The following CATSPERG variants were observed in gnomAD, a reference collection of about 807,000 sequenced individuals.
The protein encoded by CATSPERG is catsper channel auxiliary subunit gamma, also known as cation channel sperm-associated auxiliary subunit gamma.
In CATSPERG, 115 loss-of-function variants were observed where a neutral mutation model predicts 145.0. The ratio of observed to expected loss-of-function variants is 0.79; its 90% confidence interval spans 0.68 to 0.93. The LOEUF is 0.93. CATSPERG is among the 40% of genes least tolerant of loss of function. The probability of loss-of-function intolerance (pLI) is 0.00; values close to 1 mark genes in which losing one functional copy is unlikely to be tolerated. For missense variants in CATSPERG, 1,296 were observed against 1,490.1 expected, an observed-to-expected ratio of 0.87 and a Z score of 2.14; for synonymous variants, 588 against 589.0, an observed-to-expected ratio of 1.00 and a Z score of 0.02.
At chr19:38,341,118 TGTGG>T (rs1969931103) in intron 3 of CATSPERG, among the ~76,000 whole-genome samples, 1 of 149,240 alleles carries the variant, frequency 6.7e-6, no homozygotes, top group East Asian at 2.0e-4. Flanking sequence ...TGAGAGGGAG[TGTGG>T]GAGGAGAGGT....
At chr19:38,361,296 C>T (rs1284763567) in intron 16 of CATSPERG, among the ~76,000 whole-genome samples, 2 of 152,048 alleles carry the variant, frequency 1.3e-5, no homozygotes, top group Non-Finnish European at 2.9e-5. Context: ...CTCCGGTCAT[C>T]GTCCTGCGGA....
At chr19:38,343,753 C>T (rs1163097175) in intron 4 of CATSPERG, 29 bp downstream of exon 4, 5 of 1,541,420 alleles carry the variant, frequency 3.2e-6, no homozygotes, top group Non-Finnish European at 4.4e-6. Flanking sequence ...GGAGGGATCG[C>T]AACCTGGCAG....
intron 9 of CATSPERG, 61 bp from the exon 10 acceptor site, chr19:38,356,423 C>T (rs1970243799): frequency 1.3e-6 from 2 of 1,553,470 alleles, no homozygotes; most frequent in Non-Finnish European, 1.8e-6. Flanking sequence ...TCGGAGTTGG[C>T]TTGATGGGCT....
In CATSPERG at chr19:38,370,749, G is replaced by C. The variant is rs750715708; in HGVS notation, c.3437G>C (p.Arg1146Thr). 9 of 1,614,100 alleles carry C rather than the reference G, an allele frequency of 5.6e-6. No individual in the cohort carries two copies. The highest frequency in any genetic ancestry group is 1.1e-5 in the South Asian group (1 of 91,082). Reference protein sequence around the residue: ...SMFSSRMTEDRAEPKEAVERQ... With the variant: ...SMFSSRMTEDTAEPKEAVERQ... ...TTCAGCTCCAGGATGACAGAGGACA[G>C]GGCTGAACCCAAGGAAGCCGTGGAG... Residue 1146 changes from arginine (R) to threonine (T), a missense_variant, in exon 29 of 29, where the codon AGG becomes ACG. Physicochemically the swap from Arg to Thr is moderately conservative, Grantham distance 71 (BLOSUM62 -1). Coordinates refer to ENST00000409235, the MANE Select transcript of CATSPERG (RefSeq NM_021185.5).
chr19:38,353,626 G>C (rs1202800515), intron 8 of CATSPERG, among the ~76,000 whole-genome samples: 10 of 149,148 alleles, frequency 6.7e-5, no homozygotes, highest in Admixed American at 1.3e-4. Flanking sequence ...GAACCCGGGA[G>C]GCGGAGCTTG....
rs1158800275 is a variant in CATSPERG, at chr19:38,343,982, C to A, written c.470-11C>A. 6.5e-7 allele frequency: 1 copy of A among 1,549,342 alleles called. No homozygotes were observed. Among genetic ancestry groups the A allele is most frequent in the Admixed American group, 2.0e-5 (1 of 50,964 alleles). On this transcript the variant is annotated splice_polypyrimidine_tract_variant and intron_variant, in intron 4 of 28. Coordinates refer to ENST00000409235, the MANE Select transcript of CATSPERG (RefSeq NM_021185.5). ...GCCCCAGCAGTTTCAGTGCCCAGGGCCTCCCTGCAGAGCCATGCATGGCAG... is the reference window on the plus strand; with the variant it reads ...GCCCCAGCAGTTTCAGTGCCCAGGGACTCCCTGCAGAGCCATGCATGGCAG...
chr19:38,349,653 TTTGTTTG>T (rs1970102629), intron 7 of CATSPERG: 1 of 145,330 alleles, frequency 6.9e-6, no homozygotes, highest in Non-Finnish European at 1.5e-5. Flanking sequence ...TTTTTTTTTG[TTTGTTTG>T]TTTGTTTGTT....
chr19:38,370,508 A>G lies in CATSPERG; in HGVS notation c.3214-18A>G. 6.2e-7 allele frequency: 1 copy of G among 1,613,834 alleles called. No individual in the cohort carries two copies. Among genetic ancestry groups the G allele is most frequent in the Non-Finnish European group, 8.5e-7 (1 of 1,179,862 alleles). On this transcript the variant is annotated intron_variant, in intron 28 of 28. Coordinates refer to ENST00000409235, the MANE Select transcript of CATSPERG (RefSeq NM_021185.5). Reference sequence around the variant, plus strand: ...CTTATCATGTGCCAACTCCTTACTCATTCTTTGCTCCCTGCAGGTGTCAGC... The same window carrying G: ...CTTATCATGTGCCAACTCCTTACTCGTTCTTTGCTCCCTGCAGGTGTCAGC...
At chr19:38,341,104 T>C (rs1457642205) in intron 3 of CATSPERG, among the ~76,000 whole-genome samples, 1 of 150,368 alleles carries the variant, frequency 6.7e-6, no homozygotes, top group Admixed American at 6.6e-5. Flanking sequence ...TGGAGCAGAG[T>C]GAGTGAGAGG....
At chr19:38,366,882 C>G in intron 22 of CATSPERG, 1 of 396,992 alleles carries the variant, frequency 2.5e-6, no homozygotes, top group Non-Finnish European at 4.5e-6. Context: ...TTAGTAGAGA[C>G]AGGGTTTTAC....
At chr19:38,359,799 G>A (rs1970312592) in intron 14 of CATSPERG, 2 of 1,299,620 alleles carry the variant, frequency 1.5e-6, no homozygotes, top group East Asian at 3.4e-5. Flanking sequence ...CCGATGTTCA[G>A]AGGCGGCCCT....
rs1340493813 is a variant in CATSPERG at position 38,364,971 on chromosome 19, T to C, written c.2556T>C (p.Asn852=). The change falls in exon 21 of 29, where the codon AAT becomes AAC. Residue 852 remains asparagine (N), a splice_region_variant and synonymous_variant. Coordinates refer to ENST00000409235, the MANE Select transcript of CATSPERG (RefSeq NM_021185.5). ...HHLMETSMTV[N]VVGSSGLCFQ... is the part of the protein sequence containing the mutation. Reference sequence around the variant, plus strand: ...TTATGGAGACTTCCATGACGGTCAATGTGAGGTCCAAGCCTGGAGGGGAGG... The same window carrying C: ...TTATGGAGACTTCCATGACGGTCAACGTGAGGTCCAAGCCTGGAGGGGAGG... The C allele has an allele frequency of 1.2e-6, 2 of 1,613,934 alleles. No individual in the cohort carries two copies. The highest frequency in any genetic ancestry group is 2.2e-5 in the South Asian group (2 of 91,080).
Position 38,361,781 on chromosome 19 carries a change from G to A in CATSPERG, c.2014G>A (p.Gly672Ser). The A allele has an allele frequency of 6.2e-7, 1 of 1,613,220 alleles. No individual in the cohort carries two copies. Among genetic ancestry groups the A allele is most frequent in the South Asian group, 1.1e-5 (1 of 90,898 alleles). ...GCCGCCGCGCGTCCTGGAGCGCTCG[G>A]GCTTCCACAACGAGAACTCGCTCGC... ...ARPPRVLERS[G>S]FHNENSLAIY... Residue 672 changes from glycine (G) to serine (S), a missense_variant, in exon 17 of 29, where the codon GGC (glycine) becomes AGC (serine). Coordinates refer to ENST00000409235, the MANE Select transcript of CATSPERG (RefSeq NM_021185.5).
intron 5 of CATSPERG, 83 bp from the exon 6 acceptor site, chr19:38,344,213 A>C: frequency 6.5e-7 from 1 of 1,541,156 alleles, no homozygotes; most frequent in Non-Finnish European, 8.8e-7. Context: ...CAAGGGAGAG[A>C]ATGGGGAGAG....
intron 6 of CATSPERG, among the ~76,000 whole-genome samples, 153 bp from the exon 7 acceptor site, chr19:38,346,297 C>T (rs989521094): frequency 1.3e-5 from 2 of 151,928 alleles, no homozygotes; most frequent in African/African-American, 2.4e-5. Flanking sequence ...AGAGAGGGAC[C>T]GAGGGGGAGA....
intron 7 of CATSPERG, chr19:38,349,499 T>C (rs2270094): frequency 0.23 from 34,668 of 152,218 alleles, 4,167 homozygotes; most frequent in Admixed American, 0.32. Context: ...CTCTCTTCCC[T>C]GCTCCTGTCT....
At chr19:38,351,246 T>C (rs1449726439) in intron 7 of CATSPERG, among the ~76,000 whole-genome samples, 1 of 152,122 alleles carries the variant, frequency 6.6e-6, no homozygotes, top group African/African-American at 2.4e-5. Context: ...GGAGGACTGC[T>C]TGAAGCCAGG....
intron 9 of CATSPERG, among the ~76,000 whole-genome samples, chr19:38,355,120 G>C (rs945523186): frequency 6.6e-6 from 1 of 152,000 alleles, no homozygotes; most frequent in Non-Finnish European, 1.5e-5. Flanking sequence ...TGAGGCAGGC[G>C]GATCACTTGA....
At chr19:38,364,262 G>A (rs868065218) in intron 20 of CATSPERG, among the ~76,000 whole-genome samples, 3 of 151,934 alleles carry the variant, frequency 2.0e-5, no homozygotes, top group Non-Finnish European at 2.9e-5. Flanking sequence ...GTTGCCAGGC[G>A]GAGGGTCTCC....
Sources: gnomAD v4.1 joint callset for allele counts (sites outside exome capture counted in the v4.1 genomes callset) on GRCh38, gnomAD v4.1.1 for gene constraint, MANE v1.5 for transcripts, NCBI Gene and HGNC (gene_info 2026-07-23, HGNC 2026-07-21) for gene names.